The following EFCAB13 variants were observed in gnomAD, a reference collection of about 807,000 sequenced individuals.
EFCAB13 encodes the protein EF-hand calcium binding domain 13.
In EFCAB13, 91 loss-of-function variants were observed where a neutral mutation model predicts 110.2. The observed-to-expected ratio is 0.83, with a 90% CI of 0.70 to 0.98. The LOEUF (loss-of-function observed/expected upper bound fraction) is 0.98. Ranked by LOEUF, EFCAB13 falls within the 50% of genes least tolerant of loss-of-function variation. The pLI, the probability that EFCAB13 is intolerant of heterozygous loss-of-function variation, is 0.00. For synonymous variants in EFCAB13, 323 were observed against 369.9 expected (o/e 0.87, Z 1.45); for missense variants, 968 against 1,119.4 (o/e 0.86, Z 1.93).
At chr17:47,414,819 T>C (rs767072969) in intron 22 of EFCAB13, 29 bp from the exon 23 acceptor site, 1 of 1,460,892 alleles carries the variant, frequency 6.8e-7, no homozygotes, top group East Asian at 2.3e-5. Flanking sequence ...AGGTTTTTAA[T>C]GTCAGCATTT....
intron 10 of EFCAB13, among the ~76,000 whole-genome samples, chr17:47,367,971 G>A (rs573997277): frequency 2.6e-5 from 4 of 152,212 alleles, no homozygotes; most frequent in African/African-American, 9.6e-5. Flanking sequence ...TATGATGTTG[G>A]TTTGCCATCC....
chr17:47,439,996 A>G (rs1037363233), intron 24 of EFCAB13, among the ~76,000 whole-genome samples: 6 of 152,078 alleles, frequency 3.9e-5, no homozygotes, highest in African/African-American at 1.4e-4. Context: ...ACTTTAACAC[A>G]TGTATGAGTA....
At position 47,393,766 on chromosome 17, in the gene EFCAB13, AAAT is replaced by A. The variant is rs1255910405; in HGVS notation, c.1727-256_1727-254del. Among the ~76,000 whole-genome samples the A allele has an allele frequency of 8.6e-4, 129 of 150,870 alleles. 3 individuals are homozygous for A. In the East Asian group the frequency reaches 0.017, roughly 20 times the overall value. On this transcript the variant is annotated intron_variant, in intron 15 of 24. Transcript: ENST00000331493. ...TAAATAAATAAATAAAAATAAAAAT[AAAT>A]AAAAGTTAAAAATATTATGTATGCT...
At chr17:47,406,828 A>G (rs530088404) in intron 20 of EFCAB13, among the ~76,000 whole-genome samples, 50 of 152,310 alleles carry the variant, frequency 3.3e-4, no homozygotes, top group African/African-American at 1.2e-3. Context: ...CACTAAATGA[A>G]TCTTCTCTCT....
intron 24 of EFCAB13, among the ~76,000 whole-genome samples, chr17:47,438,925 C>T (rs913223311): frequency 1.1e-4 from 17 of 152,016 alleles, no homozygotes; most frequent in Non-Finnish European, 7.4e-5. Flanking sequence ...TTCTGCTTCC[C>T]TCATATACCA....
intron 24 of EFCAB13, among the ~76,000 whole-genome samples, chr17:47,433,231 G>T (rs1199991667): frequency 6.6e-6 from 1 of 152,060 alleles, no homozygotes; most frequent in Non-Finnish European, 1.5e-5. Flanking sequence ...ATGCGCTTTT[G>T]GGATGAATAC....
chr17:47,347,771 T>G, intron 8 of EFCAB13, 37 bp from the exon 9 acceptor site: 1 of 1,341,396 alleles, frequency 7.5e-7, no homozygotes, highest in Non-Finnish European at 9.8e-7. Flanking sequence ...TTATTCTTTT[T>G]GATTAACTAA....
intron 23 of EFCAB13, among the ~76,000 whole-genome samples, chr17:47,415,778 C>T (rs576177547): frequency 2.6e-5 from 4 of 152,244 alleles, no homozygotes; most frequent in South Asian, 2.1e-4. Flanking sequence ...TCTAAATCCT[C>T]GCAGTATCAA....
At chr17:47,401,802 A>G (rs2065780609) in intron 17 of EFCAB13, among the ~76,000 whole-genome samples, 1 of 150,918 alleles carries the variant, frequency 6.6e-6, no homozygotes, top group Non-Finnish European at 1.5e-5. Context: ...ATGCCACCAC[A>G]CCCGGCTAAT....
intron 24 of EFCAB13, among the ~76,000 whole-genome samples, chr17:47,432,796 T>G (rs1905143199): frequency 6.6e-6 from 1 of 152,192 alleles, no homozygotes; most frequent in African/African-American, 2.4e-5. Flanking sequence ...TCATGAATAG[T>G]ACATGGCTTT....
At chr17:47,412,730 T>C (rs751082302) in intron 21 of EFCAB13, 43 bp from the exon 22 acceptor site, 1 of 1,518,830 alleles carries the variant, frequency 6.6e-7, no homozygotes, top group Non-Finnish European at 8.9e-7. Context: ...TTATTTTGAA[T>C]GTTTTTTACA....
rs749334928 is a variant in EFCAB13, at chr17:47,391,464, ATAAAAT to A, written c.1615_1620del (p.Ile539_Lys540del). ...TTGCCTGGTGTCATTAAAGCCATTG[ATAAAAT>A]TAAAGATAAAAATGTGGATTATGAG... is the stretch of plus-strand genomic sequence containing the variant. On this transcript the variant is annotated inframe_deletion, in exon 15 of 25. Coordinates refer to ENST00000331493, the MANE Select transcript of EFCAB13 (RefSeq NM_152347.5). 6.3e-6 allele frequency: 10 copies of A among 1,577,702 alleles called. No homozygotes were observed. Among genetic ancestry groups the A allele is most frequent in the Middle Eastern group, 1.8e-4 (1 of 5,442 alleles).
chr17:47,341,869 AAGAAT>A lies in EFCAB13; in HGVS notation c.192-50_192-46del. ...AAAATTTCCATAATTAAAAGTTGAA[AAGAAT>A]AAGTAAAAAGAAATTCAAGAATGAT... On this transcript the variant is annotated intron_variant, in intron 5 of 24. Transcript: ENST00000331493. The A allele has an allele frequency of 1.8e-5, 20 of 1,081,816 alleles. No homozygotes were observed. In the South Asian group the frequency reaches 2.6e-4, roughly 14 times the overall value. The allele number at this position is 1,081,816 out of a possible 1,614,324, so 67.0% of individuals were successfully genotyped here. A position where few individuals can be genotyped will look rare whatever the true frequency, so the allele number is the denominator to read the frequency against.
intron 15 of EFCAB13, among the ~76,000 whole-genome samples, chr17:47,392,793 G>T (rs554709254): frequency 6.6e-6 from 1 of 152,234 alleles, no homozygotes; most frequent in Non-Finnish European, 1.5e-5. Flanking sequence ...ATTTTCTGAC[G>T]TAGGATTTTT....
chr17:47,372,061 T>C (rs553943902), intron 11 of EFCAB13, among the ~76,000 whole-genome samples: 4 of 152,344 alleles, frequency 2.6e-5, no homozygotes, highest in African/African-American at 9.6e-5. Context: ...TGTCTTTTCT[T>C]TGGAGATTTT....
intron 18 of EFCAB13, 43 bp downstream of exon 18, chr17:47,402,246 G>C (rs2143445260): frequency 6.4e-7 from 1 of 1,555,372 alleles, no homozygotes; most frequent in African/African-American, 1.4e-5. Flanking sequence ...TACTTTTATT[G>C]AAAGGACTTG....
intron 9 of EFCAB13, among the ~76,000 whole-genome samples, chr17:47,356,281 T>C (rs1312732237): frequency 6.6e-6 from 1 of 152,194 alleles, no homozygotes; most frequent in African/African-American, 2.4e-5. Flanking sequence ...TTTGTCATAT[T>C]ACCAGAATTG....
intron 4 of EFCAB13, among the ~76,000 whole-genome samples, chr17:47,330,458 C>G (rs181629516): frequency 7.6e-4 from 116 of 152,076 alleles, no homozygotes; most frequent in African/African-American, 2.8e-3. Flanking sequence ...TCCTTCACTT[C>G]CCTGTCCCCT....
chr17:47,341,884 G>T, intron 5 of EFCAB13, 37 bp from the exon 6 acceptor site: 1 of 1,208,838 alleles, frequency 8.3e-7, no homozygotes, highest in South Asian at 1.3e-5. Flanking sequence ...TAAGTAAAAA[G>T]AAATTCAAGA....
Sources: gnomAD v4.1 joint callset for allele counts (sites outside exome capture counted in the v4.1 genomes callset) on GRCh38, gnomAD v4.1.1 for gene constraint, MANE v1.5 for transcripts, NCBI Gene and HGNC (gene_info 2026-07-23, HGNC 2026-07-21) for gene names.